The following PCDHA4 variants were observed in gnomAD, a reference collection of about 807,000 sequenced individuals.
PCDHA4 encodes the protein protocadherin alpha 4.
In PCDHA4, 49 loss-of-function variants were observed where a neutral mutation model predicts 61.4. That is an observed-to-expected ratio of 0.80 (90% CI 0.63 to 1.01). The LOEUF is 1.01. PCDHA4 is among the 50% of genes least tolerant of loss of function. PCDHA4 has a pLI of 0.00. For missense variants in PCDHA4, 1,254 were observed against 1,235.8 expected (o/e 1.01, Z -0.22); for synonymous variants, 590 against 550.3 (o/e 1.07, Z -1.01).
Position 140,857,121 on chromosome 5 carries a change from T to C in PCDHA4, c.2385+47549T>C. 3.1e-6 allele frequency: 5 copies of C among 1,597,978 alleles called. 1 individual carries two copies. Among genetic ancestry groups the C allele is most frequent in the Non-Finnish European group, 4.3e-6 (5 of 1,167,600 alleles). ...ATTGTCACTTCTCTGTCTCTCCCAG[T>C]GAAAGAAGATGCTCAAGTGGGCACC... On this transcript the variant is annotated intron_variant, in intron 1 of 3. Transcript: ENST00000530339.
intron 1 of PCDHA4, among the ~76,000 whole-genome samples, chr5:140,878,484 A>G (rs1285844908): frequency 6.6e-6 from 1 of 152,190 alleles, no homozygotes; most frequent in African/African-American, 2.4e-5. Flanking sequence ...CAATTTAAAA[A>G]TATTTAACCA....
intron 1 of PCDHA4, chr5:140,884,308 G>C: frequency 6.2e-7 from 1 of 1,613,766 alleles, no homozygotes; most frequent in Non-Finnish European, 8.5e-7. Flanking sequence ...AGGCTTCGTC[G>C]AGGGCGTCGG....
intron 1 of PCDHA4, 140 bp downstream of exon 1, chr5:140,809,712 T>C (rs1764529866): frequency 2.9e-6 from 3 of 1,022,172 alleles, no homozygotes; most frequent in Non-Finnish European, 4.2e-6. Flanking sequence ...TAAAGTCTTT[T>C]GGAATTATAG....
At chr5:140,973,328 C>T (rs1315251124) in intron 1 of PCDHA4, among the ~76,000 whole-genome samples, 1 of 152,114 alleles carries the variant, frequency 6.6e-6, no homozygotes, top group Non-Finnish European at 1.5e-5. Flanking sequence ...AGTTTACACT[C>T]GTTGTAAAGT....
chr5:140,826,596 G>T (rs1234934565), intron 1 of PCDHA4, among the ~76,000 whole-genome samples: 1 of 152,084 alleles, frequency 6.6e-6, no homozygotes, highest in Non-Finnish European at 1.5e-5. Context: ...TAACATTAAG[G>T]TTAAATTAAG....
intron 3 of PCDHA4, among the ~76,000 whole-genome samples, chr5:141,001,895 G>T (rs1390745542): frequency 3.9e-5 from 6 of 152,208 alleles, no homozygotes; most frequent in Non-Finnish European, 8.8e-5. Context: ...AGAAATCGGG[G>T]CTGTTTGAAA....
intron 1 of PCDHA4, among the ~76,000 whole-genome samples, chr5:140,820,396 G>T (rs1212985248): frequency 6.6e-6 from 1 of 151,826 alleles, no homozygotes. Flanking sequence ...TTCTTATCAA[G>T]CTATATTTTA....
chr5:140,822,165 C>T (rs2150114223), intron 1 of PCDHA4: 3 of 1,614,238 alleles, frequency 1.9e-6, no homozygotes, highest in South Asian at 2.2e-5. Context: ...ACAATCCGCC[C>T]AGGTTCTCCA....
rs782045843 is a variant in PCDHA4 at position 140,884,051 on chromosome 5, C to A, written c.2385+74479C>A. Reference sequence around the variant, plus strand: ...TGCAGGCCACGTGGTGGCGAAGGTGCGCGCGGTGGACGCCGATTCGGGCTA... The same window carrying A: ...TGCAGGCCACGTGGTGGCGAAGGTGAGCGCGGTGGACGCCGATTCGGGCTA... On this transcript the variant is annotated intron_variant, in intron 1 of 3. Coordinates refer to ENST00000530339, the MANE Select transcript of PCDHA4 (RefSeq NM_018907.4). The A allele has an allele frequency of 9.3e-6, 15 of 1,613,426 alleles. No homozygotes were observed. In the South Asian group the frequency reaches 1.6e-4, roughly 18 times the overall value.
intron 1 of PCDHA4, chr5:140,822,097 A>G (rs2150113640): frequency 6.2e-7 from 1 of 1,614,242 alleles, no homozygotes; most frequent in Non-Finnish European, 8.5e-7. Context: ...CCTGGAGGTG[A>G]TCGTGGACAG....
intron 1 of PCDHA4, chr5:140,835,486 T>C: frequency 6.2e-7 from 1 of 1,613,894 alleles, no homozygotes. Flanking sequence ...CCAGGTACCG[T>C]CATCACATTG....
intron 1 of PCDHA4, among the ~76,000 whole-genome samples, chr5:140,957,658 G>T (rs2095373813): frequency 6.6e-6 from 1 of 151,932 alleles, no homozygotes; most frequent in Non-Finnish European, 1.5e-5. Flanking sequence ...TTCAATCATG[G>T]AGTAAAAATT....
intron 1 of PCDHA4, chr5:140,875,686 G>C (rs17844351): frequency 0.022 from 35,932 of 1,613,570 alleles, 480 homozygotes; most frequent in East Asian, 0.061. Flanking sequence ...CAAAAGACAC[G>C]GGGACCTTCT....
At position 140,875,445 on chromosome 5, in the gene PCDHA4, C is replaced by G; in HGVS notation, c.2385+65873C>G. The G allele has an allele frequency of 2.5e-6, 4 of 1,582,278 alleles. No individual in the cohort carries two copies. The South Asian group carries it at 3.5e-5, about 14-fold the overall frequency. On this transcript the variant is annotated intron_variant, in intron 1 of 3. Transcript: ENST00000530339. Reference sequence around the variant, plus strand: ...CAAGCGATCCCTTAAAACTGATTGTCCCAACTCAGAGGCCCTCATTTTCTG... The same window carrying G: ...CAAGCGATCCCTTAAAACTGATTGTGCCAACTCAGAGGCCCTCATTTTCTG...
rs2150358233 is a variant in PCDHA4 at position 140,843,360 on chromosome 5, C to G, written c.2385+33788C>G. On this transcript the variant is annotated intron_variant, in intron 1 of 3. Coordinates refer to ENST00000530339, the MANE Select transcript of PCDHA4 (RefSeq NM_018907.4). Reference sequence around the variant, plus strand: ...AGCGGCCAGGCTCCAAAAGCGTCATCGAGGCAGTCGGCTGGCGTTTTGGGT... The same window carrying G: ...AGCGGCCAGGCTCCAAAAGCGTCATGGAGGCAGTCGGCTGGCGTTTTGGGT... 32 of 1,596,088 alleles carry G rather than the reference C, an allele frequency of 2.0e-5. 6 individuals carry two copies. Among genetic ancestry groups the G allele is most frequent in the Non-Finnish European group, 2.6e-5 (30 of 1,165,594 alleles).
chr5:140,977,429 C>T (rs143756065), intron 1 of PCDHA4, among the ~76,000 whole-genome samples: 9 of 152,228 alleles, frequency 5.9e-5, no homozygotes, highest in South Asian at 2.1e-4. Context: ...CCTCTAACAC[C>T]GCTAGTAGAT....
chr5:140,877,563 C>G (rs2057203422), intron 1 of PCDHA4: 2 of 1,613,774 alleles, frequency 1.2e-6, no homozygotes, highest in African/African-American at 1.3e-5. Context: ...TGGATATTAA[C>G]GTGTACCTCA....
intron 1 of PCDHA4, among the ~76,000 whole-genome samples, chr5:140,949,466 G>A (rs2094383684): frequency 6.6e-6 from 1 of 151,662 alleles, no homozygotes; most frequent in Non-Finnish European, 1.5e-5. Flanking sequence ...TTGAAGCCCT[G>A]TTATTAGGCA....
At chr5:140,828,582 C>G (rs1554131414) in intron 1 of PCDHA4, 3 of 1,614,224 alleles carry the variant, frequency 1.9e-6, no homozygotes, top group Middle Eastern at 3.3e-4. Flanking sequence ...GATGTTGGCT[C>G]AAATTCCATC....
Sources: allele counts gnomAD v4.1 joint callset (sites outside exome capture counted in the v4.1 genomes callset), GRCh38; gene constraint gnomAD v4.1.1; transcripts MANE v1.5; gene names NCBI Gene and HGNC (gene_info 2026-07-23, HGNC 2026-07-21).